NBPF14: variants seen among roughly 807,000 people sequenced by gnomAD.
The protein encoded by NBPF14 is NBPF member 14.
In NBPF14, 104 loss-of-function variants were observed where a neutral mutation model predicts 91.2. The ratio of observed to expected loss-of-function variants is 1.14; its 90% confidence interval spans 0.97 to 1.34. The LOEUF is 1.34. Ranked by LOEUF, NBPF14 falls within the 40% of genes most tolerant of loss-of-function variation. NBPF14 has a pLI of 0.00. For missense variants in NBPF14, 908 were observed against 783.0 expected (o/e 1.16, Z -1.91); for synonymous variants, 294 against 303.8 (o/e 0.97, Z 0.34).
intron 20 of NBPF14, 34 bp from the exon 21 acceptor site, chr1:148,572,649 G>T (rs1370455228): frequency 4.7e-6 from 3 of 635,450 alleles, no homozygotes; most frequent in Non-Finnish European, 8.4e-6. Flanking sequence ...GAATAAGCCA[G>T]GGGGAATCAG....
chr1:148,586,643 C>T (rs1263147087), intron 8 of NBPF14, among the ~76,000 whole-genome samples, 174 bp from the exon 9 acceptor site: 25 of 147,728 alleles, frequency 1.7e-4, no homozygotes, highest in African/African-American at 5.9e-4. Context: ...GGTTTACAGG[C>T]TTCCTCTGTA....
intron 39 of NBPF14, 108 bp from the exon 40 acceptor site, chr1:148,557,650 A>C: frequency 1.6e-6 from 1 of 607,434 alleles, no homozygotes; most frequent in Non-Finnish European, 2.9e-6. Flanking sequence ...CAGCATGAGA[A>C]CAGGACCATG....
chr1:148,594,375 T>TAGTGTTTACAC (rs1662979411), intron 2 of NBPF14, among the ~76,000 whole-genome samples: 1 of 135,262 alleles, frequency 7.4e-6, no homozygotes, highest in Non-Finnish European at 1.5e-5. Flanking sequence ...AACTAATAGA[T>TAGTGTTTACAC]AGTGTTTACA....
intron 25 of NBPF14, among the ~76,000 whole-genome samples, chr1:148,569,012 T>C (rs1437518305): frequency 2.2e-5 from 3 of 133,928 alleles, no homozygotes; most frequent in Non-Finnish European, 4.9e-5. Context: ...AGATCCCACA[T>C]CTTGAGAGTA....
chr1:148,533,683 A>T (rs1654227385), intron 70 of NBPF14, among the ~76,000 whole-genome samples, 178 bp downstream of exon 70: 1 of 150,442 alleles, frequency 6.6e-6, no homozygotes, highest in Non-Finnish European at 1.5e-5. Flanking sequence ...TTAGGAAATG[A>T]TAAGGGGAGG....
At position 148,592,535 on chromosome 1, in the gene NBPF14, G is replaced by C; in HGVS notation, c.493+17C>G. On this transcript the variant is annotated intron_variant, in intron 4 of 70. Transcript: ENST00000619423. ...AAGCCTGGGGTTTTGGGTCATCAGG[G>C]CCTATGGCCACCTTACCTGGGCTGA... 1 of 1,299,164 alleles carries C rather than the reference G, an allele frequency of 7.7e-7. No individual in the cohort carries two copies. The highest frequency in any genetic ancestry group is 1.2e-5 in the South Asian group (1 of 83,950). The allele number at this position is 1,299,164 out of a possible 1,614,324, so 80.5% of individuals were successfully genotyped here. A position where few individuals can be genotyped will look rare whatever the true frequency, so the allele number is the denominator to read the frequency against.
intron 21 of NBPF14, 34 bp downstream of exon 21, chr1:148,572,409 T>C (rs1659244046): frequency 2.3e-6 from 1 of 433,240 alleles, no homozygotes; most frequent in East Asian, 3.6e-5. Context: ...GAAGACCAGG[T>C]GGAGGCTTAT....
rs797035499 is a variant in NBPF14, at chr1:148,533,774, A to C, written c.8723+87T>G. ...GAGTAATTCAGCCTTTGTTGAAAATATGACATCAAACACACTCTGGTTTCC... is the reference window on the plus strand; with the variant it reads ...GAGTAATTCAGCCTTTGTTGAAAATCTGACATCAAACACACTCTGGTTTCC... On this transcript the variant is annotated intron_variant, in intron 70 of 70. Transcript: ENST00000619423. 71 of 763,034 alleles carry C rather than the reference A, an allele frequency of 9.3e-5. 1 individual carries two copies. The highest frequency in any genetic ancestry group is 1.6e-4 in the Non-Finnish European group (68 of 417,876). 47.3% of individuals were successfully genotyped at this position (763,034 alleles called of 1,614,324 possible). A position where few individuals can be genotyped will look rare whatever the true frequency, so the allele number is the denominator to read the frequency against.
chr1:148,566,503 A>G (rs1658351739), intron 28 of NBPF14, among the ~76,000 whole-genome samples, 188 bp from the exon 29 acceptor site: 1 of 109,546 alleles, frequency 9.1e-6, no homozygotes. Context: ...TGAAAGAGAA[A>G]GACAGACACA....
intron 11 of NBPF14, among the ~76,000 whole-genome samples, chr1:148,583,780 A>T (rs1661108887): frequency 1.7e-5 from 1 of 58,152 alleles, no homozygotes; most frequent in Non-Finnish European, 2.7e-5. Context: ...GAGGCAGGAG[A>T]ATCACTTGAA....
At position 148,578,187 on chromosome 1, in the gene NBPF14, C is replaced by A. The variant is rs1320495436; in HGVS notation, c.1802-153G>T. On this transcript the variant is annotated intron_variant, in intron 13 of 70. Coordinates refer to ENST00000619423, the Ensembl canonical transcript of NBPF14. ...TATTCCAGTAGGCCTGAGGTCAAGT[C>A]TTGAGAAAACTGGCTTGTGTTCTTT... 7.2e-4 allele frequency among the ~76,000 whole-genome samples: 109 copies of A among 152,154 alleles called. 4 individuals carry two copies. In the East Asian group the frequency reaches 0.021, roughly 30 times the overall value.
intron 34 of NBPF14, among the ~76,000 whole-genome samples, chr1:148,561,886 GGA>G: frequency 7.6e-6 from 1 of 131,138 alleles, no homozygotes; most frequent in Admixed American, 7.2e-5. Context: ...CACTGATGAG[GGA>G]GTAACAGGAC....
At chr1:148,534,968 T>A (rs1184429012) in intron 68 of NBPF14, 112 bp from the exon 69 acceptor site, 10,261 of 736,588 alleles carry the variant, frequency 0.014, 185 homozygotes, top group Middle Eastern at 0.045. Flanking sequence ...AAAGGACAGA[T>A]CCATTAATGA....
chr1:148,577,577 C>G (rs1464067265), intron 14 of NBPF14, among the ~76,000 whole-genome samples: 2 of 146,034 alleles, frequency 1.4e-5, no homozygotes, highest in Admixed American at 1.3e-4. Flanking sequence ...CACACACACA[C>G]TCACACACAC....
At chr1:148,575,911 A>C (rs1268866138) in intron 16 of NBPF14, 100 bp from the exon 17 acceptor site, 2 of 354,002 alleles carry the variant, frequency 5.6e-6, no homozygotes, top group East Asian at 6.2e-5. Flanking sequence ...GTTTAAAAAG[A>C]AAAAGGACAG....
chr1:148,534,698 G>A, exon 69 of NBPF14: 9 of 831,194 alleles, frequency 1.1e-5, no homozygotes, highest in Non-Finnish European at 1.9e-5. Flanking sequence ...CACGTCAAGA[G>A]CCAAGCCAAG....
chr1:148,534,912 C>G (rs1489091435), intron 68 of NBPF14, 56 bp from the exon 69 acceptor site: 1 of 723,798 alleles, frequency 1.4e-6, no homozygotes. Context: ...AACCACACAG[C>G]CCCAGCTAGA....
intron 37 of NBPF14, 90 bp downstream of exon 37, chr1:148,559,703 C>G (rs2149502612): frequency 1.4e-6 from 1 of 724,618 alleles, no homozygotes; most frequent in Non-Finnish European, 2.3e-6. Context: ...AATGACATCT[C>G]TCAGCTCAGT....
intron 37 of NBPF14, among the ~76,000 whole-genome samples, chr1:148,559,381 C>T (rs1189765291): frequency 1.5e-5 from 2 of 133,290 alleles, no homozygotes; most frequent in Non-Finnish European, 3.0e-5. Context: ...CAAATGGTTG[C>T]TAGGAGAAAA....
Sources: gnomAD v4.1 joint callset for allele counts (sites outside exome capture counted in the v4.1 genomes callset) on GRCh38, gnomAD v4.1.1 for gene constraint, MANE v1.5 for transcripts, NCBI Gene and HGNC (gene_info 2026-07-23, HGNC 2026-07-21) for gene names.